The following PHF24 variants were observed in gnomAD, a reference collection of about 807,000 sequenced individuals.
The protein encoded by PHF24 is PHD finger protein 24, also known as Galpha inhibitory interacting protein.
Under a neutral mutation model 42.6 loss-of-function variants are expected in PHF24, and 25 were observed. The observed-to-expected ratio is 0.59, with a 90% confidence interval of 0.43 to 0.82. The LOEUF is 0.82. Among genes scored for constraint, PHF24 ranks in the 40% least tolerant of loss-of-function variants. The pLI is 0.00. For synonymous variants in PHF24, 185 were observed against 204.8 expected, an observed-to-expected ratio of 0.90 and a Z score of 0.83; for missense variants, 470 against 538.1, an observed-to-expected ratio of 0.87 and a Z score of 1.25.
At chr9:34,814,439 A>G in the PHF24 span, among the ~76,000 whole-genome samples, 1 of 152,232 alleles carries the variant, frequency 6.6e-6, no homozygotes, top group African/African-American at 2.4e-5. Context: ...CTACTCATGA[A>G]CAAAGATCAG....
At chr9:34,730,177 T>C in the PHF24 span, among the ~76,000 whole-genome samples, 1 of 152,200 alleles carries the variant, frequency 6.6e-6, no homozygotes, top group Non-Finnish European at 1.5e-5. Flanking sequence ...CTGTTCATGG[T>C]TGGATGTATG....
the PHF24 span, among the ~76,000 whole-genome samples, chr9:34,763,459 A>G: frequency 2.6e-5 from 4 of 152,162 alleles, no homozygotes; most frequent in Admixed American, 6.5e-5. Flanking sequence ...CTTTGAAGCA[A>G]TTGTGAATGG....
the PHF24 span, chr9:34,922,360 C>T: frequency 1.3e-6 from 2 of 1,524,570 alleles, no homozygotes; most frequent in Non-Finnish European, 1.8e-6. Flanking sequence ...AGAGAGCAGG[C>T]TTTCTCTGGG....
the PHF24 span, among the ~76,000 whole-genome samples, chr9:34,763,315 T>A: frequency 6.6e-6 from 1 of 152,258 alleles, no homozygotes; most frequent in African/African-American, 2.4e-5. Flanking sequence ...TGACATTGAT[T>A]CTTCCTACCC....
At chr9:34,739,298 A>G in the PHF24 span, among the ~76,000 whole-genome samples, 1 of 152,210 alleles carries the variant, frequency 6.6e-6, no homozygotes, top group Non-Finnish European at 1.5e-5. Context: ...CTCCTATATA[A>G]TGATGGTTGG....
At chr9:34,933,315 T>C in the PHF24 span, among the ~76,000 whole-genome samples, 1 of 152,212 alleles carries the variant, frequency 6.6e-6, no homozygotes, top group East Asian at 1.9e-4. Context: ...ATGATATTAA[T>C]AATGGCTAAT....
rs947234275 is a variant in PHF24, at chr9:34,963,240, C to G, written c.-5+4839C>G. Among the ~76,000 whole-genome samples, 3 of 148,558 alleles carry G rather than the reference C, an allele frequency of 2.0e-5. No homozygotes were observed. The East Asian group carries it at 6.0e-4, about 30-fold the overall frequency. Reference sequence around the variant, plus strand: ...GCTTGGATTTCCTCAAAGACCCGCACGAGAACTCTTTTTGATGGTTTTTTT... The same window carrying G: ...GCTTGGATTTCCTCAAAGACCCGCAGGAGAACTCTTTTTGATGGTTTTTTT... On this transcript the variant is annotated intron_variant, in intron 1 of 7. Coordinates refer to ENST00000242315, the Ensembl canonical transcript of PHF24.
At chr9:34,679,735 G>A in the PHF24 span, among the ~76,000 whole-genome samples, 1 of 152,118 alleles carries the variant, frequency 6.6e-6, no homozygotes, top group South Asian at 2.1e-4. Flanking sequence ...ATATTGTGGA[G>A]AGGACCATGT....
the PHF24 span, among the ~76,000 whole-genome samples, chr9:34,869,969 A>G: frequency 6.6e-6 from 1 of 152,028 alleles, no homozygotes; most frequent in South Asian, 2.1e-4. Context: ...TTTCTTTACA[A>G]TTTCTTTTTC....
At chr9:34,812,180 C>T in the PHF24 span, among the ~76,000 whole-genome samples, 6 of 152,092 alleles carry the variant, frequency 3.9e-5, no homozygotes, top group Non-Finnish European at 4.4e-5. Context: ...TGAGATCAGC[C>T]TGGGCAACAC....
At chr9:34,869,991 T>G in the PHF24 span, among the ~76,000 whole-genome samples, 27 of 152,254 alleles carry the variant, frequency 1.8e-4, no homozygotes, top group African/African-American at 6.3e-4. Flanking sequence ...TAGAACTTCC[T>G]CCAGCACAAT....
the PHF24 span, among the ~76,000 whole-genome samples, chr9:34,669,371 A>C: frequency 6.6e-6 from 1 of 151,804 alleles, no homozygotes; most frequent in Non-Finnish European, 1.5e-5. Context: ...CCCCTGCCCC[A>C]TTTTACTCAC....
the PHF24 span, among the ~76,000 whole-genome samples, chr9:34,836,405 A>G: frequency 6.6e-6 from 1 of 152,202 alleles, no homozygotes; most frequent in Non-Finnish European, 1.5e-5. Flanking sequence ...AACCAGGAAT[A>G]TCACAAGGTA....
the PHF24 span, among the ~76,000 whole-genome samples, chr9:34,750,357 G>A: frequency 6.6e-6 from 1 of 151,984 alleles, no homozygotes; most frequent in South Asian, 2.1e-4. Flanking sequence ...TGACTGGCTG[G>A]TGCATGCCTG....
chr9:34,935,277 T>C, the PHF24 span, among the ~76,000 whole-genome samples: 21 of 152,124 alleles, frequency 1.4e-4, no homozygotes, highest in South Asian at 4.2e-4. Flanking sequence ...AAAGTCTAAT[T>C]GATGTGGTGG....
chr9:34,736,180 G>T, the PHF24 span, among the ~76,000 whole-genome samples: 1 of 151,924 alleles, frequency 6.6e-6, no homozygotes, highest in African/African-American at 2.4e-5. Context: ...CCAGAACAGA[G>T]CATCCAAGAG....
At chr9:34,945,101 A>G in the PHF24 span, among the ~76,000 whole-genome samples, 1 of 152,150 alleles carries the variant, frequency 6.6e-6, no homozygotes, top group South Asian at 2.1e-4. Flanking sequence ...TTGTACCAGC[A>G]AAGGCAATCC....
chr9:34,882,480 A>G, the PHF24 span, among the ~76,000 whole-genome samples: 5 of 151,970 alleles, frequency 3.3e-5, no homozygotes, highest in African/African-American at 1.2e-4. Flanking sequence ...TCTCAGCCCA[A>G]AATCTCCTTA....
the PHF24 span, among the ~76,000 whole-genome samples, chr9:34,666,944 CAAACA>C: frequency 5.3e-5 from 8 of 152,188 alleles, no homozygotes; most frequent in African/African-American, 1.4e-4. Context: ...GACTCCGTCT[CAAACA>C]AAACAAAACA....
Sources: gnomAD v4.1 joint callset for allele counts (sites outside exome capture counted in the v4.1 genomes callset) on GRCh38, gnomAD v4.1.1 for gene constraint, MANE v1.5 for transcripts, NCBI Gene and HGNC (gene_info 2026-07-23, HGNC 2026-07-21) for gene names.